The following ZNF253 variants were observed in gnomAD, a reference collection of about 807,000 sequenced individuals.
The protein encoded by ZNF253 is zinc finger protein 253, also known as DNA-binding protein.
In ZNF253, 8 loss-of-function variants were observed where a neutral mutation model predicts 11.9. The ratio of observed to expected loss-of-function variants is 0.67; its 90% CI spans 0.40 to 1.22. ZNF253 has a LOEUF of 1.22. Among genes scored for constraint, ZNF253 ranks in the 50% most tolerant of loss-of-function variants. The probability of loss-of-function intolerance (pLI) is 0.01; values close to 1 mark genes in which losing one functional copy is unlikely to be tolerated. For synonymous variants in ZNF253, 194 were observed against 194.9 expected (o/e 1.00, Z 0.04); for missense variants, 485 against 586.9 (o/e 0.83, Z 1.79).
At chr19:19,868,631 T>C (rs1333766445) in intron 1 of ZNF253, among the ~76,000 whole-genome samples, 1 of 152,040 alleles carries the variant, frequency 6.6e-6, no homozygotes, top group African/African-American at 2.4e-5. Flanking sequence ...ATACAGTGTG[T>C]AAAATTCTGA....
chr19:19,866,098 A>G (rs2063109823), intron 1 of ZNF253, 99 bp downstream of exon 1: 2 of 1,524,284 alleles, frequency 1.3e-6, no homozygotes, highest in Non-Finnish European at 1.8e-6. Flanking sequence ...TCAGCTCCAC[A>G]ATCTGCCGCC....
chr19:19,888,657 T>C (rs145312826), intron 3 of ZNF253, among the ~76,000 whole-genome samples: 2 of 152,316 alleles, frequency 1.3e-5, no homozygotes, highest in Admixed American at 6.5e-5. Context: ...ACTTATGTTA[T>C]ATATTCATTA....
At chr19:19,888,861 C>A (rs995323522) in intron 3 of ZNF253, among the ~76,000 whole-genome samples, 4 of 152,132 alleles carry the variant, frequency 2.6e-5, no homozygotes, top group Non-Finnish European at 5.9e-5. Context: ...GTGGAAGAAA[C>A]TTCTTTCAGC....
chr19:19,872,159 A>T (rs1017346667), intron 1 of ZNF253, among the ~76,000 whole-genome samples: 1 of 152,186 alleles, frequency 6.6e-6, no homozygotes, highest in African/African-American at 2.4e-5. Context: ...CCTGAAACTG[A>T]TTCAGACATC....
intron 3 of ZNF253, among the ~76,000 whole-genome samples, chr19:19,888,033 G>A (rs8104555): frequency 6.6e-6 from 1 of 151,736 alleles, no homozygotes; most frequent in Non-Finnish European, 1.5e-5. Flanking sequence ...ATAGTTTTCC[G>A]AAAGAGAAAA....
chr19:19,879,936 T>G (rs745505390), intron 2 of ZNF253, 115 bp from the exon 3 acceptor site: 6 of 411,302 alleles, frequency 1.5e-5, no homozygotes, highest in Non-Finnish European at 2.4e-5. Context: ...TATAAATTAT[T>G]ATTTTGGTAT....
At chr19:19,881,117 A>G (rs952426676) in intron 3 of ZNF253, among the ~76,000 whole-genome samples, 3 of 152,164 alleles carry the variant, frequency 2.0e-5, no homozygotes, top group African/African-American at 7.2e-5. Context: ...ATAATATGGC[A>G]CTTTATTAAT....
chr19:19,891,401 A>G (rs1460428394), intron 3 of ZNF253, 73 bp from the exon 4 acceptor site: 20 of 1,255,582 alleles, frequency 1.6e-5, no homozygotes, highest in Non-Finnish European at 2.2e-5. Context: ...GTATAATTTT[A>G]TAGGTTAGAT....
At chr19:19,865,865 T>C (rs2063108081), upstream of ZNF253, 13 of 1,208,498 alleles carry the variant, frequency 1.1e-5, no homozygotes, top group South Asian at 1.1e-4. Flanking sequence ...TGTTTCTCGC[T>C]GCAGCGGGAG....
At chr19:19,883,479 G>T (rs2122124784) in intron 3 of ZNF253, among the ~76,000 whole-genome samples, 1 of 152,174 alleles carries the variant, frequency 6.6e-6, no homozygotes, top group Non-Finnish European at 1.5e-5. Context: ...AAGCATGGTG[G>T]TGTGCACCTG....
intron 1 of ZNF253, among the ~76,000 whole-genome samples, chr19:19,877,218 A>G (rs1214479487): frequency 1.3e-5 from 2 of 152,220 alleles, no homozygotes; most frequent in African/African-American, 4.8e-5. Flanking sequence ...CTAGGGAGCT[A>G]AATGAAGCCT....
At chr19:19,883,632 CTTCTAGAAACT>C (rs1426411858) in intron 3 of ZNF253, among the ~76,000 whole-genome samples, 1 of 152,180 alleles carries the variant, frequency 6.6e-6, no homozygotes, top group East Asian at 1.9e-4. Context: ...ATGCAAAAGA[CTTCTAGAAACT>C]TTACATCTTA....
intron 1 of ZNF253, 93 bp from the exon 2 acceptor site, chr19:19,878,388 A>G: frequency 6.2e-7 from 1 of 1,602,404 alleles, no homozygotes; most frequent in South Asian, 1.1e-5. Context: ...TTGAGTCAGA[A>G]CCAGTTCTCT....
intron 3 of ZNF253, among the ~76,000 whole-genome samples, chr19:19,882,316 GA>G (rs1205412256): frequency 1.3e-5 from 2 of 152,108 alleles, no homozygotes; most frequent in African/African-American, 2.4e-5. Context: ...AGAAGGTAAA[GA>G]TCTTCTTTTA....
At chr19:19,874,565 G>C (rs1357025048) in intron 1 of ZNF253, among the ~76,000 whole-genome samples, 2 of 151,252 alleles carry the variant, frequency 1.3e-5, no homozygotes, top group African/African-American at 4.9e-5. Flanking sequence ...TGTTTAAATT[G>C]CATAGTAGTG....
Position 19,892,505 on chromosome 19 carries a change from G to A in ZNF253, c.1258G>A (p.Gly420Arg), listed in dbSNP as rs2063237418. ...CTCCAAACATAAAAGAACTCATACT[G>A]GAGAGAAACCCTACAAATGTGAAGA... Reference protein sequence around the residue: ...ILSKHKRTHTGEKPYKCEECG... With the variant: ...ILSKHKRTHTREKPYKCEECG... The change falls in exon 4 of 4, where the codon GGA (glycine) becomes AGA (arginine). Residue 420 changes from glycine to arginine, a missense_variant. Physicochemically the swap from Gly to Arg is moderately radical, Grantham distance 125. Coordinates refer to ENST00000589717, the MANE Select transcript of ZNF253 (RefSeq NM_021047.3). 6.2e-7 allele frequency: 1 copy of A among 1,613,114 alleles called. No individual in the cohort carries two copies. The highest frequency in any genetic ancestry group is 1.3e-5 in the African/African-American group (1 of 74,640).
chr19:19,882,192 TAA>T lies in ZNF253; in HGVS notation c.226+2059_226+2060del, dbSNP rs57408628. 5.4e-3 allele frequency among the ~76,000 whole-genome samples: 729 copies of T among 136,028 alleles called. 4 individuals are homozygous for T. Among genetic ancestry groups the T allele is most frequent in the Non-Finnish European group, 8.5e-3 (505 of 59,650 alleles). The allele number at this position is 136,028 out of a possible 152,430, so 89.2% of individuals were successfully genotyped here. ...CAACAAGAGCGAAACTCCGTCTCAA[TAA>T]AAAAAAAAAAAAGAAGAAGAAGAAG... is the stretch of plus-strand genomic sequence containing the variant. On this transcript the variant is annotated intron_variant, in intron 3 of 3. Transcript: ENST00000589717.
At chr19:19,889,023 A>ATAT (rs2063218071) in intron 3 of ZNF253, among the ~76,000 whole-genome samples, 1 of 152,138 alleles carries the variant, frequency 6.6e-6, no homozygotes, top group Non-Finnish European at 1.5e-5. Context: ...TTATCTTATA[A>ATAT]GACTATGCTT....
intron 1 of ZNF253, among the ~76,000 whole-genome samples, chr19:19,876,859 T>C (rs565682093): frequency 3.9e-5 from 6 of 152,228 alleles, no homozygotes; most frequent in Non-Finnish European, 7.3e-5. Flanking sequence ...AAAATTCTTA[T>C]GATAGTCAAG....
Sources: allele counts gnomAD v4.1 joint callset (sites outside exome capture counted in the v4.1 genomes callset), GRCh38; gene constraint gnomAD v4.1.1; transcripts MANE v1.5; gene names NCBI Gene and HGNC (gene_info 2026-07-23, HGNC 2026-07-21).